The following CHD9 variants were observed in gnomAD, a reference collection of about 807,000 sequenced individuals.
The protein encoded by CHD9 is chromodomain helicase DNA binding protein 9, also known as ATP-dependent chromatin remodeler CHD9.
Under a neutral mutation model 316.1 loss-of-function variants are expected in CHD9, and 77 were observed. The observed-to-expected ratio is 0.24, with a 90% CI of 0.20 to 0.29. The LOEUF is 0.29. CHD9 is among the 10% of genes least tolerant of loss of function. The pLI is 1.00. For missense variants in CHD9, 2,763 were observed against 3,438.1 expected (o/e 0.80, Z 4.91); for synonymous variants, 1,129 against 1,158.3 (o/e 0.97, Z 0.51).
At chr16:53,190,478 G>A (rs1567449702) in intron 2 of CHD9, among the ~76,000 whole-genome samples, 1 of 151,972 alleles carries the variant, frequency 6.6e-6, no homozygotes, top group East Asian at 1.9e-4. Context: ...ATGAATCTGA[G>A]TGTTTTAATA....
intron 1 of CHD9, among the ~76,000 whole-genome samples, chr16:53,103,925 C>T (rs1596997716): frequency 6.6e-6 from 1 of 152,264 alleles, no homozygotes; most frequent in East Asian, 1.9e-4. Context: ...GCTGAGGTAC[C>T]TTCAGGACTG....
chr16:53,325,055 A>G lies in CHD9; in HGVS notation c.*160A>G. The G allele has an allele frequency of 1.7e-6, 1 of 575,898 alleles. No individual in the cohort carries two copies. The highest frequency in any genetic ancestry group is 3.0e-6 in the Non-Finnish European group (1 of 335,286). 35.7% of individuals were successfully genotyped at this position (575,898 alleles called of 1,614,324 possible). A position where few individuals can be genotyped will look rare whatever the true frequency, so the allele number is the denominator to read the frequency against. ...TGCTTTCAGAGACTTTTTGCATGTA[A>G]TATTTCTTAAGATTCATAAGTTTCT... On this transcript the variant is annotated 3_prime_UTR_variant, in exon 39 of 39. Transcript: ENST00000447540.
At chr16:53,267,578 C>T (rs2153000342) in intron 21 of CHD9, 88 bp downstream of exon 21, 2 of 953,792 alleles carry the variant, frequency 2.1e-6, no homozygotes, top group East Asian at 2.7e-5. Flanking sequence ...TATTTTTTAT[C>T]TTCTTAGAAT....
chr16:53,286,103 T>A, intron 25 of CHD9, 123 bp from the exon 26 acceptor site: 1 of 561,610 alleles, frequency 1.8e-6, no homozygotes. Flanking sequence ...TTAACCTATA[T>A]CATTTTAATG....
intron 29 of CHD9, among the ~76,000 whole-genome samples, chr16:53,293,395 G>A (rs948689871): frequency 1.4e-5 from 2 of 145,946 alleles, no homozygotes; most frequent in Admixed American, 6.8e-5. Flanking sequence ...TGGGAAGAGT[G>A]CTTGAGCTCA....
chr16:53,282,731 CT>C (rs1398666628), intron 24 of CHD9, among the ~76,000 whole-genome samples: 3 of 152,206 alleles, frequency 2.0e-5, no homozygotes, highest in African/African-American at 7.2e-5. Context: ...GATATTCTTG[CT>C]GCCAAATTTG....
chr16:53,321,791 A>G (rs1302691139), intron 38 of CHD9, among the ~76,000 whole-genome samples, 161 bp downstream of exon 38: 2 of 152,108 alleles, frequency 1.3e-5, no homozygotes, highest in African/African-American at 2.4e-5. Context: ...AATTTCTCAG[A>G]TGCTTCTCAG....
rs35052198 is a variant in CHD9 at position 53,088,275 on chromosome 16, C to CTTTTTTTTTTTTTTTTTTTT, written c.-165+33201_-165+33202insTTTTTTTTTTTTTTTTTTTT. Among the ~76,000 whole-genome samples, 3 of 127,050 alleles carry CTTTTTTTTTTTTTTTTTTTT rather than the reference C, an allele frequency of 2.4e-5. 1 individual carries two copies. Among genetic ancestry groups the CTTTTTTTTTTTTTTTTTTTT allele is most frequent in the African/African-American group, 9.0e-5 (3 of 33,406 alleles). The allele number at this position is 127,050 out of a possible 152,430, so 83.3% of individuals were successfully genotyped here. A position where few individuals can be genotyped will look rare whatever the true frequency, so the allele number is the denominator to read the frequency against. ...CTGTAATCAAGGAAAATGACATGCA[C>CTTTTTTTTTTTTTTTTTTTT]TTTGTTTTTTTTTTTTTTTTGAGAT... On this transcript the variant is annotated intron_variant, in intron 1 of 38. Coordinates refer to ENST00000447540, the MANE Select transcript of CHD9 (RefSeq NM_001308319.2).
intron 8 of CHD9, 109 bp downstream of exon 8, chr16:53,229,209 T>C: frequency 3.6e-6 from 2 of 558,518 alleles, no homozygotes; most frequent in Non-Finnish European, 6.2e-6. Flanking sequence ...GTGTTGATAT[T>C]TGAATACAAA....
intron 30 of CHD9, among the ~76,000 whole-genome samples, chr16:53,301,885 C>T (rs1386316593): frequency 6.6e-6 from 1 of 151,796 alleles, no homozygotes; most frequent in Non-Finnish European, 1.5e-5. Flanking sequence ...CTGCCTCAGC[C>T]TCCCGAGTAG....
intron 1 of CHD9, among the ~76,000 whole-genome samples, chr16:53,096,056 ATT>A (rs534002075): frequency 3.9e-4 from 54 of 138,506 alleles, no homozygotes; most frequent in Admixed American, 4.4e-4. Context: ...GACTGTGAAG[ATT>A]TTTTTTTTTT....
intron 1 of CHD9, among the ~76,000 whole-genome samples, chr16:53,100,559 A>C (rs1474861738): frequency 2.0e-5 from 3 of 150,966 alleles, no homozygotes; most frequent in Admixed American, 6.7e-5. Context: ...CCTGAGCTCA[A>C]GTGATCCTCC....
rs577726372 is a variant in CHD9 at position 53,120,567 on chromosome 16, C to T, written c.-164-35359C>T. 2.6e-5 allele frequency among the ~76,000 whole-genome samples: 4 copies of T among 152,014 alleles called. No homozygotes were observed. The East Asian group carries it at 5.8e-4, about 22-fold the overall frequency. ...GGCGGAGGCTATGGTAAGCCGAGAT[C>T]GCACCATTGCACTCCAGCCTGGGCA... On this transcript the variant is annotated intron_variant, in intron 1 of 38. Coordinates refer to ENST00000447540, the MANE Select transcript of CHD9 (RefSeq NM_001308319.2).
intron 2 of CHD9, among the ~76,000 whole-genome samples, chr16:53,193,675 A>G (rs1366877154): frequency 6.6e-6 from 1 of 152,176 alleles, no homozygotes; most frequent in Non-Finnish European, 1.5e-5. Context: ...ACTTAGTTGT[A>G]TAAGGAACAT....
chr16:53,144,178 GT>G (rs1202993401), intron 1 of CHD9, among the ~76,000 whole-genome samples: 1 of 152,122 alleles, frequency 6.6e-6, no homozygotes, highest in East Asian at 1.9e-4. Context: ...TTATGTCTGT[GT>G]TTTGGTTAGG....
chr16:53,249,807 G>A (rs1189151192), intron 16 of CHD9, 64 bp from the exon 17 acceptor site: 8 of 1,274,990 alleles, frequency 6.3e-6, no homozygotes, highest in Middle Eastern at 2.1e-4. Context: ...CTTTACATTT[G>A]ATAGAATATG....
chr16:53,246,665 C>T (rs1218213151), intron 15 of CHD9, among the ~76,000 whole-genome samples: 5 of 152,038 alleles, frequency 3.3e-5, no homozygotes, highest in Non-Finnish European at 7.4e-5. Context: ...TAGGCATATG[C>T]ACCACCATAC....
intron 2 of CHD9, among the ~76,000 whole-genome samples, chr16:53,177,049 A>G (rs1229670106): frequency 1.3e-5 from 2 of 152,110 alleles, no homozygotes; most frequent in Non-Finnish European, 2.9e-5. Context: ...TCCGCCTCCC[A>G]GGTTCCAGTG....
intron 2 of CHD9, among the ~76,000 whole-genome samples, chr16:53,191,727 A>G (rs2152828573): frequency 6.6e-6 from 1 of 152,268 alleles, no homozygotes; most frequent in East Asian, 1.9e-4. Flanking sequence ...AATGCCTCTA[A>G]GAACATTCAA....
Sources: allele counts gnomAD v4.1 joint callset (sites outside exome capture counted in the v4.1 genomes callset), GRCh38; gene constraint gnomAD v4.1.1; transcripts MANE v1.5; gene names NCBI Gene and HGNC (gene_info 2026-07-23, HGNC 2026-07-21).